Variants in COL9A3 observed in about 807,000 individuals in gnomAD.
The protein encoded by COL9A3 is collagen type IX alpha 3 chain.
In COL9A3, 82 loss-of-function variants were observed where a neutral mutation model predicts 110.2. That is an observed-to-expected ratio of 0.74 (90% CI 0.62 to 0.89). The LOEUF (loss-of-function observed/expected upper bound fraction) is 0.89, where lower values mean the gene tolerates loss of function less well. Ranked by LOEUF, COL9A3 falls within the 40% of genes least tolerant of loss-of-function variation. COL9A3 has a pLI of 0.00. For synonymous variants in COL9A3, 494 were observed against 403.8 expected (o/e 1.22, Z -2.68); for missense variants, 1,066 against 981.3 (o/e 1.09, Z -1.15).
chr20:62,839,838 C>T (rs895876587), intron 31 of COL9A3, among the ~76,000 whole-genome samples: 2 of 151,984 alleles, frequency 1.3e-5, no homozygotes, highest in African/African-American at 4.8e-5. Context: ...CTCTGGGTGC[C>T]CTGGAGCCCT....
chr20:62,821,523 G>A lies in COL9A3; in HGVS notation c.362G>A (p.Gly121Glu). 2 of 1,612,820 alleles carry A rather than the reference G, an allele frequency of 1.2e-6. No homozygotes were observed. Among genetic ancestry groups the A allele is most frequent in the Non-Finnish European group, 1.7e-6 (2 of 1,179,954 alleles). ...PPGLGGKGLP[G>E]PPGEAGVSGP... ...GCTTTGCAGGGCAAAGGCCTCCCTG[G>A]ACCCCCCGTGAGTACTGACAACCCT... The change falls in exon 7 of 32, where the codon GGA becomes GAA. Residue 121 changes from glycine to glutamate, a missense_variant. By Grantham distance (98) the Gly-to-Glu change is moderately conservative. Coordinates refer to ENST00000649368, the MANE Select transcript of COL9A3 (RefSeq NM_001853.4).
chr20:62,832,479 G>C (rs1030795902), intron 25 of COL9A3, among the ~76,000 whole-genome samples: 9 of 152,392 alleles, frequency 5.9e-5, no homozygotes, highest in African/African-American at 1.9e-4. Context: ...TGCAACAGAA[G>C]CTGCTTCTAG....
At chr20:62,821,427 C>T in intron 6 of COL9A3, 80 bp from the exon 7 acceptor site, 3 of 1,582,884 alleles carry the variant, frequency 1.9e-6, no homozygotes. Flanking sequence ...CCCCAGGACC[C>T]ACCTGAGCCA....
In COL9A3 at chr20:62,826,801, C is replaced by T. The variant is rs144996897; in HGVS notation, c.773C>T (p.Pro258Leu). 40 of 1,612,694 alleles carry T rather than the reference C, an allele frequency of 2.5e-5. No individual in the cohort carries two copies. The African/African-American group carries it at 5.2e-4, about 21-fold the overall frequency. ...PIGFRGPPGI[P>L]GAPGKAGDRG... is the part of the protein sequence containing the mutation. ...GGGTTCCGAGGGCCGCCTGGGATCC[C>T]AGGAGCGCCTGGGAAAGCGGTACGT... is the stretch of plus-strand genomic sequence containing the variant. The change falls in exon 15 of 32, where the codon CCA becomes CTA. Residue 258 changes from proline to leucine, a missense_variant. Transcript: ENST00000649368.
At chr20:62,823,536 T>TG (rs1933096232) in intron 10 of COL9A3, among the ~76,000 whole-genome samples, 1 of 152,100 alleles carries the variant, frequency 6.6e-6, no homozygotes, top group Non-Finnish European at 1.5e-5. Context: ...GGGGCCTAGG[T>TG]GCCTGGCCAG....
chr20:62,829,103 C>T, intron 19 of COL9A3, 127 bp downstream of exon 19: 2 of 1,054,690 alleles, frequency 1.9e-6, no homozygotes, highest in Non-Finnish European at 2.7e-6. Flanking sequence ...GGGCCTGTGT[C>T]CATCAGGGCC....
At chr20:62,833,157 G>A (rs2063609675) in intron 26 of COL9A3, 93 bp downstream of exon 26, 18 of 1,037,398 alleles carry the variant, frequency 1.7e-5, no homozygotes, top group Non-Finnish European at 2.6e-5. Context: ...GTCAAAATCT[G>A]CAGCTCCCGG....
intron 3 of COL9A3, 28 bp downstream of exon 3, chr20:62,818,581 C>T (rs1200636249): frequency 2.5e-6 from 4 of 1,607,664 alleles, no homozygotes; most frequent in Non-Finnish European, 3.4e-6. Flanking sequence ...GGGAGACAGC[C>T]TTTTTCCAGT....
rs907235606 is a variant in COL9A3 at position 62,822,640 on chromosome 20, C to T, written c.519+8C>T. On this transcript the variant is annotated splice_region_variant and intron_variant, in intron 10 of 31. Coordinates refer to ENST00000649368, the MANE Select transcript of COL9A3 (RefSeq NM_001853.4). ...GGCGCTACTGACCTTCAGGTAGGCACTTGAAGCCATTTGTTAAGGGTGCTG... is the reference window on the plus strand; with the variant it reads ...GGCGCTACTGACCTTCAGGTAGGCATTTGAAGCCATTTGTTAAGGGTGCTG... The T allele has an allele frequency of 6.2e-7, 1 of 1,611,792 alleles. No individual in the cohort carries two copies. Among genetic ancestry groups the T allele is most frequent in the Non-Finnish European group, 8.5e-7 (1 of 1,179,938 alleles).
At chr20:62,837,539 T>G (rs1355023124) in intron 30 of COL9A3, among the ~76,000 whole-genome samples, 2 of 152,242 alleles carry the variant, frequency 1.3e-5, no homozygotes, top group African/African-American at 2.4e-5. Context: ...CTGGGCGCGG[T>G]GGCTCACGCC....
chr20:62,820,438 G>A (rs1275232037), intron 5 of COL9A3, among the ~76,000 whole-genome samples: 2 of 152,194 alleles, frequency 1.3e-5, no homozygotes, highest in South Asian at 2.1e-4. Context: ...GTACAAACCC[G>A]AAGCCAGCAT....
Position 62,819,221 on chromosome 20 carries a change from G to A in COL9A3, c.184-1G>A, listed in dbSNP as rs1423813662. 6.2e-7 allele frequency: 1 copy of A among 1,612,738 alleles called. No individual in the cohort carries two copies. The highest frequency in any genetic ancestry group is 8.5e-7 in the Non-Finnish European group (1 of 1,179,932). ...CATCTCTGCCCTTTCCTCCTGCACA[G>A]GGACCAAAGGGGGCCCCAGGAAAGC... is the stretch of plus-strand genomic sequence containing the variant. On this transcript the variant is annotated splice_acceptor_variant, in intron 3 of 31. Coordinates refer to ENST00000649368, the MANE Select transcript of COL9A3 (RefSeq NM_001853.4). LOFTEE classifies it high-confidence loss of function.
In COL9A3 at chr20:62,835,942, C is replaced by T. The variant is rs1426304467; in HGVS notation, c.1390C>T (p.Pro464Ser). The change falls in exon 27 of 32, where the codon CCC becomes TCC. Residue 464 changes from proline to serine, a missense_variant. By Grantham distance (74) the Pro-to-Ser change is moderately conservative (BLOSUM62 -1). Transcript: ENST00000649368. ...GELGPSGLVGPKGESGSRGEL... is the reference protein window; with the variant it reads ...GELGPSGLVGSKGESGSRGEL... ...ACAGGGTCCCAGCGGCCTGGTCGGA[C>T]CCAAAGGAGAGGTGAGTGCCCGGCG... 2 of 1,614,186 alleles carry T rather than the reference C, an allele frequency of 1.2e-6. No homozygotes were observed. The highest frequency in any genetic ancestry group is 4.5e-5 in the East Asian group (2 of 44,890).
intron 24 of COL9A3, chr20:62,831,624 A>T (rs1453403006): frequency 1.2e-5 from 2 of 172,868 alleles, no homozygotes; most frequent in African/African-American, 4.8e-5. Context: ...CCCTGCGGGC[A>T]CTGCGCCTGT....
chr20:62,827,938 A>G lies in COL9A3; in HGVS notation c.862A>G (p.Lys288Glu). ...TGTCCTCTAGGGCAGACCTGGTCCC[A>G]AGGGAACCCCCGGAGTGGCCGGGCC... is the stretch of plus-strand genomic sequence containing the variant. ...PKGDLGRPGP[K>E]GTPGVAGPSG... Residue 288 changes from lysine (K) to glutamate (E), a missense_variant, in exon 17 of 32, where the codon AAG becomes GAG. Transcript: ENST00000649368. The G allele has an allele frequency of 6.2e-7, 1 of 1,612,968 alleles. No individual in the cohort carries two copies. Among genetic ancestry groups the G allele is most frequent in the Non-Finnish European group, 8.5e-7 (1 of 1,180,000 alleles).
At chr20:62,826,183 A>G (rs368703394) in intron 13 of COL9A3, 21 bp from the exon 14 acceptor site, 30 of 1,555,134 alleles carry the variant, frequency 1.9e-5, no homozygotes, top group Admixed American at 3.9e-5. Flanking sequence ...CAGCCTCTGC[A>G]TCTGTGCCTC....
At chr20:62,837,820 A>T (rs2063648741) in intron 30 of COL9A3, among the ~76,000 whole-genome samples, 1 of 148,792 alleles carries the variant, frequency 6.7e-6, no homozygotes, top group African/African-American at 2.5e-5. Context: ...AAAAGAAAAA[A>T]AAAATGTGAG....
chr20:62,839,895 A>G (rs1386308937), intron 31 of COL9A3, among the ~76,000 whole-genome samples: 1 of 151,820 alleles, frequency 6.6e-6, no homozygotes, highest in African/African-American at 2.4e-5. Context: ...TGGGTGCCCC[A>G]TGCTCCTGGA....
intron 1 of COL9A3, 119 bp downstream of exon 1, chr20:62,817,261 G>T (rs1990959239): frequency 1.3e-6 from 1 of 755,154 alleles, no homozygotes; most frequent in Admixed American, 4.6e-5. Context: ...TCGCCGTCGG[G>T]GCGCGGAGTC....
Sources: allele counts gnomAD v4.1 joint callset (sites outside exome capture counted in the v4.1 genomes callset), GRCh38; gene constraint gnomAD v4.1.1; transcripts MANE v1.5; gene names NCBI Gene and HGNC (gene_info 2026-07-23, HGNC 2026-07-21).